The following TMEM132C variants were observed in gnomAD, a reference collection of about 807,000 sequenced individuals.
TMEM132C encodes transmembrane protein 132C, also known as protein phosphatase 1, regulatory subunit 152.
Under a neutral mutation model 61.4 loss-of-function variants are expected in TMEM132C, and 29 were observed. The observed-to-expected ratio is 0.47, with a 90% confidence interval of 0.35 to 0.64. The LOEUF (loss-of-function observed/expected upper bound fraction) is 0.64. Among genes scored for constraint, TMEM132C ranks in the 30% least tolerant of loss-of-function variants. The pLI is 0.00. For synonymous variants in TMEM132C, 656 were observed against 633.1 expected (o/e 1.04, Z -0.54); for missense variants, 1,408 against 1,476.9 (o/e 0.95, Z 0.76).
intron 5 of TMEM132C, among the ~76,000 whole-genome samples, chr12:128,681,486 G>T (rs989640267): frequency 2.0e-5 from 3 of 152,104 alleles, no homozygotes; most frequent in Middle Eastern, 3.2e-3. Flanking sequence ...AACTGTAAGA[G>T]ATTTCCTGGC....
intron 1 of TMEM132C, among the ~76,000 whole-genome samples, chr12:128,360,976 A>G (rs955542654): frequency 6.6e-6 from 1 of 152,308 alleles, no homozygotes; most frequent in Admixed American, 6.5e-5. Context: ...GACTCAACAC[A>G]TAGGTCATGA....
intron 2 of TMEM132C, among the ~76,000 whole-genome samples, chr12:128,453,702 G>A (rs1477968398): frequency 6.6e-6 from 1 of 152,198 alleles, no homozygotes; most frequent in African/African-American, 2.4e-5. Flanking sequence ...CATGCAGGTT[G>A]GAAGCATATA....
At chr12:128,636,466 G>A (rs530613073) in intron 4 of TMEM132C, among the ~76,000 whole-genome samples, 1 of 152,182 alleles carries the variant, frequency 6.6e-6, no homozygotes, top group Non-Finnish European at 1.5e-5. Flanking sequence ...CCTGTGAAAT[G>A]GTCATTACAA....
At chr12:128,512,890 T>C (rs555875415) in intron 2 of TMEM132C, among the ~76,000 whole-genome samples, 2 of 152,340 alleles carry the variant, frequency 1.3e-5, no homozygotes, top group Non-Finnish European at 2.9e-5. Flanking sequence ...AAGCCAAGAA[T>C]GTGTGACTTT....
chr12:128,471,484 G>T (rs1447987249), intron 2 of TMEM132C, among the ~76,000 whole-genome samples: 1 of 152,162 alleles, frequency 6.6e-6, no homozygotes, highest in Non-Finnish European at 1.5e-5. Flanking sequence ...GTCAAGCTCT[G>T]CCCCTGGCCC....
In TMEM132C at chr12:128,705,212, C is replaced by T. The variant is rs1206461587; in HGVS notation, c.2244C>T (p.Pro748=). ...AGGACGAGGCTGTCGTGTCAGTCCC[C>T]CAGCCCCGCTCTCCCAGGTGGCCCG... The part of the protein sequence containing the change: ...TSQDEAVVSV[P]QPRSPRWPVV... Residue 748 remains proline (P), a synonymous_variant, in exon 9 of 9, where the codon CCC becomes CCT. Transcript: ENST00000435159. 1 of 1,551,728 alleles carries T rather than the reference C, an allele frequency of 6.4e-7. No individual in the cohort carries two copies. The highest frequency in any genetic ancestry group is 8.7e-7 in the Non-Finnish European group (1 of 1,147,010).
intron 1 of TMEM132C, among the ~76,000 whole-genome samples, chr12:128,271,305 T>TAATAATAAA (rs1316883483): frequency 3.0e-5 from 4 of 133,586 alleles, no homozygotes; most frequent in Non-Finnish European, 6.4e-5. Flanking sequence ...ATAATAATAA[T>TAATAATAAA]AAAATGAAAT....
intron 8 of TMEM132C, among the ~76,000 whole-genome samples, chr12:128,699,271 C>T (rs1954787328): frequency 6.6e-6 from 1 of 152,140 alleles, no homozygotes; most frequent in Non-Finnish European, 1.5e-5. Flanking sequence ...AAATGGCACG[C>T]ACTTATTGGC....
At chr12:128,500,385 C>A (rs1361419630) in intron 2 of TMEM132C, among the ~76,000 whole-genome samples, 2 of 151,068 alleles carry the variant, frequency 1.3e-5, no homozygotes, top group African/African-American at 2.4e-5. Flanking sequence ...TTCCAAGAAC[C>A]CTATCAAGAA....
At chr12:128,585,519 G>T (rs969389363) in intron 3 of TMEM132C, among the ~76,000 whole-genome samples, 2 of 152,248 alleles carry the variant, frequency 1.3e-5, no homozygotes, top group Non-Finnish European at 2.9e-5. Context: ...CTGCAGGAGA[G>T]GTGCACAAAG....
Position 128,472,047 on chromosome 12 carries a change from C to CCTCATA in TMEM132C, c.974+56433_974+56438dup, listed in dbSNP as rs1410624467. Reference sequence around the variant, plus strand: ...GGGTTACGCAGATGAAATAACCACTCCTCATACTCATGGTGCTTCCCCAAG... The same window carrying CCTCATA: ...GGGTTACGCAGATGAAATAACCACTCCTCATACTCATACTCATGGTGCTTCCCCAAG... On this transcript the variant is annotated intron_variant, in intron 2 of 8. Transcript: ENST00000435159. Among the ~76,000 whole-genome samples the CCTCATA allele has an allele frequency of 3.3e-5, 5 of 152,234 alleles. No homozygotes were observed. In the East Asian group the frequency reaches 9.7e-4, roughly 30 times the overall value.
In TMEM132C at chr12:128,384,589, G is replaced by A. The variant is rs116449622; in HGVS notation, c.86-30143G>A. Reference sequence around the variant, plus strand: ...GGCCTTTGGTGAGGCCACTGTGTTGGGGACTCCATTCCTAGGCTCCACTAA... The same window carrying A: ...GGCCTTTGGTGAGGCCACTGTGTTGAGGACTCCATTCCTAGGCTCCACTAA... On this transcript the variant is annotated intron_variant, in intron 1 of 8. Transcript: ENST00000435159. 8.8e-3 allele frequency among the ~76,000 whole-genome samples: 1,340 copies of A among 152,248 alleles called. 21 individuals are homozygous for A. Among genetic ancestry groups the A allele is most frequent in the African/African-American group, 0.031 (1,281 of 41,544 alleles).
chr12:128,376,720 C>G (rs926309439), intron 1 of TMEM132C, among the ~76,000 whole-genome samples: 15 of 152,208 alleles, frequency 9.9e-5, no homozygotes, highest in African/African-American at 3.4e-4. Flanking sequence ...GGGTATGCAT[C>G]TCACTTTGTA....
chr12:128,421,602 G>A (rs7966957), intron 2 of TMEM132C, among the ~76,000 whole-genome samples: 36,635 of 152,134 alleles, frequency 0.24, 4,522 homozygotes, highest in Non-Finnish European at 0.27. Flanking sequence ...CACAAAGGAC[G>A]CTCTTCCGTG....
At chr12:128,340,047 T>C (rs144114673) in intron 1 of TMEM132C, among the ~76,000 whole-genome samples, 1 of 152,238 alleles carries the variant, frequency 6.6e-6, no homozygotes, top group Non-Finnish European at 1.5e-5. Flanking sequence ...GGGGCTTCTA[T>C]GTCCCTTCCC....
At chr12:128,423,955 G>A (rs1869086692) in intron 2 of TMEM132C, among the ~76,000 whole-genome samples, 1 of 147,286 alleles carries the variant, frequency 6.8e-6, no homozygotes, top group Non-Finnish European at 1.5e-5. Context: ...GCTGAGGCAG[G>A]AGAATGGCAT....
At chr12:128,383,249 G>A (rs924861695) in intron 1 of TMEM132C, among the ~76,000 whole-genome samples, 3 of 152,174 alleles carry the variant, frequency 2.0e-5, no homozygotes, top group Non-Finnish European at 4.4e-5. Context: ...TGTGCTCTGT[G>A]TATATACGTG....
chr12:128,495,648 T>A (rs1279282214), intron 2 of TMEM132C, among the ~76,000 whole-genome samples: 1 of 152,188 alleles, frequency 6.6e-6, no homozygotes, highest in Non-Finnish European at 1.5e-5. Context: ...GAGACTAGGA[T>A]TGCAACCCCT....
intron 2 of TMEM132C, among the ~76,000 whole-genome samples, chr12:128,479,397 A>C (rs1262917501): frequency 7.2e-5 from 11 of 152,246 alleles, no homozygotes; most frequent in Admixed American, 3.3e-4. Context: ...GGCAAACTAC[A>C]GCCTACAGGC....
Sources: allele counts gnomAD v4.1 joint callset (sites outside exome capture counted in the v4.1 genomes callset), GRCh38; gene constraint gnomAD v4.1.1; transcripts MANE v1.5; gene names NCBI Gene and HGNC (gene_info 2026-07-23, HGNC 2026-07-21).